Variants in CIROZ observed in about 807,000 individuals in gnomAD.
CIROZ encodes the protein ciliated left-right organizer ZP-N domains-containing protein.
the CIROZ span, among the ~76,000 whole-genome samples, chr1:10,980,328 G>A: frequency 0.36 from 55,096 of 152,200 alleles, 12,927 homozygotes; most frequent in African/African-American, 0.67. Context: ...TGGCTGCCCC[G>A]CTGCCCCGCT....
chr1:10,949,481 T>G, the CIROZ span: 1 of 940,544 alleles, frequency 1.1e-6, no homozygotes, highest in Non-Finnish European at 1.6e-6. Flanking sequence ...GGAGGTAACA[T>G]GGTTGGGGAT....
chr1:10,969,931 C>T, the CIROZ span: 1 of 1,495,786 alleles, frequency 6.7e-7, no homozygotes, highest in Non-Finnish European at 8.9e-7. Flanking sequence ...ACACAAAAGC[C>T]CCAGCAAAGA....
the CIROZ span, among the ~76,000 whole-genome samples, chr1:10,958,940 C>T: frequency 4.6e-5 from 7 of 152,124 alleles, no homozygotes; most frequent in South Asian, 4.1e-4. Flanking sequence ...TGTCAACAGA[C>T]GCAGGGAAAT....
chr1:10,960,912 G>T, the CIROZ span, among the ~76,000 whole-genome samples: 6 of 152,094 alleles, frequency 3.9e-5, no homozygotes. This position sits in a 1 kb window ranked among gnomAD's most constrained non-coding sequence, Gnocchi z 4.6. Context: ...TGGGGGAAGG[G>T]GCTGGAGGGG....
the CIROZ span, among the ~76,000 whole-genome samples, chr1:10,964,792 G>A: frequency 4.6e-5 from 7 of 152,226 alleles, no homozygotes; most frequent in East Asian, 1.9e-4. Flanking sequence ...CAACACGCCC[G>A]TCTAATTTTT....
the CIROZ span, chr1:10,947,741 C>T: frequency 6.3e-7 from 1 of 1,581,998 alleles, no homozygotes; most frequent in South Asian, 1.1e-5. Flanking sequence ...CACTGAGGGC[C>T]AAGGTGGGCT....
the CIROZ span, among the ~76,000 whole-genome samples, chr1:10,981,013 C>T: frequency 8.5e-5 from 13 of 152,384 alleles, no homozygotes; most frequent in African/African-American, 1.7e-4. Context: ...CTGCAGTCCA[C>T]GGCCCAAAGG....
At chr1:10,973,019 G>A in the CIROZ span, among the ~76,000 whole-genome samples, 2 of 152,150 alleles carry the variant, frequency 1.3e-5, no homozygotes, top group Non-Finnish European at 2.9e-5. Context: ...TGCTGAAAAC[G>A]TGATTAATGC....
At chr1:10,955,207 GAC>G in the CIROZ span, 1 of 1,580,734 alleles carries the variant, frequency 6.3e-7, no homozygotes, top group Non-Finnish European at 8.6e-7. Flanking sequence ...AAGGACACAG[GAC>G]ACAGAAAAAG....
the CIROZ span, chr1:10,949,390 C>T: frequency 1.7e-6 from 1 of 573,528 alleles, no homozygotes; most frequent in East Asian, 3.1e-5. Flanking sequence ...TGCCGTGATC[C>T]AGGCCGACAG....
chr1:10,956,625 G>A, the CIROZ span, among the ~76,000 whole-genome samples: 1 of 151,792 alleles, frequency 6.6e-6, no homozygotes, highest in Non-Finnish European at 1.5e-5. Context: ...ACAGGCCCCC[G>A]CCACCACGCC....
At chr1:10,950,266 C>A in the CIROZ span, among the ~76,000 whole-genome samples, 8 of 152,052 alleles carry the variant, frequency 5.3e-5, no homozygotes, top group Non-Finnish European at 8.8e-5. Flanking sequence ...AACTCCCGAC[C>A]TCAAATGATC....
At chr1:10,950,649 G>A in the CIROZ span, among the ~76,000 whole-genome samples, 1 of 152,198 alleles carries the variant, frequency 6.6e-6, no homozygotes, top group African/African-American at 2.4e-5. Context: ...GATGCTGGTA[G>A]GATCCCCTGA....
the CIROZ span, among the ~76,000 whole-genome samples, chr1:10,962,828 GTGTT>G: frequency 6.6e-6 from 1 of 152,210 alleles, no homozygotes; most frequent in African/African-American, 2.4e-5. Flanking sequence ...CCATATATAA[GTGTT>G]TGCTGGGCCA....
the CIROZ span, among the ~76,000 whole-genome samples, chr1:10,959,330 G>T: frequency 6.7e-4 from 102 of 152,276 alleles, no homozygotes; most frequent in South Asian, 1.7e-3. The surrounding 1 kb of genome is among the most constrained non-coding windows in gnomAD (Gnocchi z 4.3). Context: ...CGAGACAGTG[G>T]TTTCTCGTAC....
the CIROZ span, among the ~76,000 whole-genome samples, chr1:10,970,456 C>T: frequency 6.6e-6 from 1 of 151,970 alleles, no homozygotes; most frequent in Non-Finnish European, 1.5e-5. Flanking sequence ...GGTGAAACTC[C>T]GTCTCTACTA....
At chr1:10,957,047 A>G in the CIROZ span, 2 of 1,551,292 alleles carry the variant, frequency 1.3e-6, no homozygotes, top group Non-Finnish European at 1.7e-6. Context: ...GCTTCTAAAG[A>G]ATAGGCATGG....
the CIROZ span, chr1:10,948,536 G>C: frequency 1.2e-6 from 2 of 1,614,120 alleles, no homozygotes; most frequent in Non-Finnish European, 1.7e-6. Context: ...ATGGTCCTGA[G>C]ACCAGAAGTG....
the CIROZ span, among the ~76,000 whole-genome samples, chr1:10,963,811 A>G: frequency 7.9e-5 from 12 of 152,044 alleles, no homozygotes; most frequent in Non-Finnish European, 1.5e-4. Flanking sequence ...CAAAGATGCA[A>G]TTTTGCAGCT....
Sources: gnomAD v4.1 joint callset for allele counts (sites outside exome capture counted in the v4.1 genomes callset) on GRCh38, gnomAD v4.1.1 for gene constraint, Gnocchi (gnomAD v3.1) non-coding constraint, MANE v1.5 for transcripts, NCBI Gene and HGNC (gene_info 2026-07-23, HGNC 2026-07-21) for gene names.